The following IFI16 variants were observed in gnomAD, a reference collection of about 807,000 sequenced individuals.
IFI16 encodes interferon gamma inducible protein 16.
Under a neutral mutation model 68.4 loss-of-function variants are expected in IFI16, and 49 were observed. The observed-to-expected ratio is 0.72, with a 90% CI of 0.57 to 0.91. IFI16 has a LOEUF of 0.91. IFI16 is among the 40% of genes least tolerant of loss of function. The pLI, the probability that IFI16 is intolerant of heterozygous loss-of-function variation, is 0.00. For missense variants in IFI16, 878 were observed against 942.9 expected, an observed-to-expected ratio of 0.93 and a Z score of 0.90; for synonymous variants, 307 against 315.0, an observed-to-expected ratio of 0.97 and a Z score of 0.27.
intron 5 of IFI16, among the ~76,000 whole-genome samples, chr1:159,019,862 A>AG (rs1015896308): frequency 3.3e-5 from 5 of 152,178 alleles, no homozygotes; most frequent in Non-Finnish European, 4.4e-5. Flanking sequence ...TGGTTTCAGG[A>AG]GGGGGTACAA....
At chr1:159,003,649 GTAT>G (rs60416021), upstream of IFI16, among the ~76,000 whole-genome samples, 138,108 of 149,286 alleles carry the variant, frequency 0.93, 64,709 homozygotes, top group Non-Finnish European at 1. Flanking sequence ...CCATAATTCT[GTAT>G]TATTATTATT....
chr1:159,032,550 C>A lies in IFI16; in HGVS notation c.1188C>A (p.Asn396Lys). The stretch of plus-strand genomic sequence containing the variant: ...TAAAGAAAAAAACAAACCCGAGAAA[C>A]AATGACCCCAAGAGCATGAAGCTAC... Reference protein sequence around the residue: ...IQIKKKTNPRNNDPKSMKLPQ... With the variant: ...IQIKKKTNPRKNDPKSMKLPQ... The change falls in exon 7 of 12, where the codon AAC becomes AAA. Residue 396 changes from asparagine (N) to lysine (K), a missense_variant. Coordinates refer to ENST00000295809, the MANE Select transcript of IFI16 (RefSeq NM_001376587.1). The A allele has an allele frequency of 6.3e-7, 1 of 1,587,060 alleles. No individual in the cohort carries two copies. Among genetic ancestry groups the A allele is most frequent in the Non-Finnish European group, 8.5e-7 (1 of 1,170,616 alleles).
chr1:159,007,017 G>T (rs1553205335), upstream of IFI16, among the ~76,000 whole-genome samples: 1 of 151,992 alleles, frequency 6.6e-6, no homozygotes, highest in African/African-American at 2.4e-5. Flanking sequence ...CACAATCTAG[G>T]AAATACAAGA....
intron 6 of IFI16, among the ~76,000 whole-genome samples, chr1:159,030,454 G>A (rs564898533): frequency 1.3e-5 from 2 of 152,238 alleles, no homozygotes; most frequent in Admixed American, 6.5e-5. Flanking sequence ...GGGACTCAAG[G>A]GCTGCTGTTA....
Position 159,032,506 on chromosome 1 carries a change from G to C in IFI16, c.1162-18G>C. Reference sequence around the variant, plus strand: ...CTCTAATATTGAAAACCATTAAACAGAAAATGAATACTTTCAGATAAAGAA... The same window carrying C: ...CTCTAATATTGAAAACCATTAAACACAAAATGAATACTTTCAGATAAAGAA... On this transcript the variant is annotated intron_variant, in intron 6 of 11. Coordinates refer to ENST00000295809, the MANE Select transcript of IFI16 (RefSeq NM_001376587.1). The C allele has an allele frequency of 6.6e-7, 1 of 1,522,584 alleles. No homozygotes were observed. The highest frequency in any genetic ancestry group is 8.9e-7 in the Non-Finnish European group (1 of 1,127,668). The allele number at this position is 1,522,584 out of a possible 1,614,324, so 94.3% of individuals were successfully genotyped here.
upstream of IFI16, among the ~76,000 whole-genome samples, chr1:159,007,953 G>A (rs1180922572): frequency 2.0e-5 from 3 of 152,304 alleles, no homozygotes; most frequent in East Asian, 3.9e-4. Context: ...AAAAACCAGT[G>A]TGCAATAGGT....
At chr1:159,044,654 C>T (rs1316885747) in intron 7 of IFI16, among the ~76,000 whole-genome samples, 1 of 152,014 alleles carries the variant, frequency 6.6e-6, no homozygotes, top group African/African-American at 2.4e-5. Context: ...AGAGATATTC[C>T]CCAATTTTAC....
Position 159,014,895 on chromosome 1 carries a change from T to C in IFI16, c.215T>C (p.Ile72Thr), listed in dbSNP as rs768266082. 6.2e-7 allele frequency: 1 copy of C among 1,613,246 alleles called. No individual in the cohort carries two copies. Among genetic ancestry groups the C allele is most frequent in the South Asian group, 1.1e-5 (1 of 90,828 alleles). Residue 72 changes from isoleucine (I) to threonine (T), a missense_variant, in exon 2 of 12, where the codon ATA becomes ACA. Ile to Thr is a moderately conservative substitution (Grantham distance 89). Around this residue, in one of 4 missense-constraint regions of IFI16, gnomAD observed 65 missense variants for 96.9 expected, o/e 0.67. Coordinates refer to ENST00000295809, the MANE Select transcript of IFI16 (RefSeq NM_001376587.1). ...LGKLIKIFED[I>T]PTLEDLAETL... ...AAACTAATAAAAATTTTCGAAGATA[T>C]ACCAACGCTTGAAGACCTGGCTGAA...
intron 9 of IFI16, among the ~76,000 whole-genome samples, chr1:159,051,249 A>G (rs1571897965): frequency 6.6e-6 from 1 of 151,948 alleles, no homozygotes; most frequent in African/African-American, 2.4e-5. Context: ...GAGGCAGGAC[A>G]GCTGCCTCCA....
chr1:159,051,671 C>G lies in IFI16; in HGVS notation c.1666-8C>G, dbSNP rs751568876. ...ATTGTGCCTATGTTTTGGTCTCTAC[C>G]TTCTAAGTTGAAACCAAGACTGAAG... On this transcript the variant is annotated splice_region_variant and splice_polypyrimidine_tract_variant and intron_variant, in intron 9 of 11. Transcript: ENST00000295809. 3.7e-5 allele frequency: 59 copies of G among 1,603,128 alleles called. No homozygotes were observed. The highest frequency in any genetic ancestry group is 1.7e-4 in the Middle Eastern group (1 of 6,018).
chr1:159,011,928 A>G (rs930016208), intron 1 of IFI16, among the ~76,000 whole-genome samples: 3 of 152,082 alleles, frequency 2.0e-5, no homozygotes, highest in Admixed American at 6.5e-5. Context: ...TCATCTCACT[A>G]TCTAAGACAA....
In IFI16 at chr1:159,045,473, T is replaced by C. The variant is rs1309669884; in HGVS notation, c.1497+9T>C. 1 of 1,604,134 alleles carries C rather than the reference T, an allele frequency of 6.2e-7. No individual in the cohort carries two copies. The highest frequency in any genetic ancestry group is 2.2e-5 in the East Asian group (1 of 44,860). Reference sequence around the variant, plus strand: ...GCAGTTTCTTAACCACGGTACAAGTTCCCTCTTCCCAATACATTCCCCTCA... The same window carrying C: ...GCAGTTTCTTAACCACGGTACAAGTCCCCTCTTCCCAATACATTCCCCTCA... On this transcript the variant is annotated intron_variant, in intron 8 of 11. Coordinates refer to ENST00000295809, the MANE Select transcript of IFI16 (RefSeq NM_001376587.1).
At chr1:159,039,254 C>A (rs1296489571) in intron 7 of IFI16, among the ~76,000 whole-genome samples, 5 of 152,038 alleles carry the variant, frequency 3.3e-5, no homozygotes, top group African/African-American at 1.2e-4. Flanking sequence ...ACTCTTCTTC[C>A]ATAGAAAATA....
At chr1:159,034,939 G>T (rs1654231959) in intron 7 of IFI16, among the ~76,000 whole-genome samples, 1 of 152,184 alleles carries the variant, frequency 6.6e-6, no homozygotes, top group South Asian at 2.1e-4. Flanking sequence ...GCTCAGCAGT[G>T]ATATGACCCT....
intron 7 of IFI16, among the ~76,000 whole-genome samples, chr1:159,039,321 A>G (rs1430565492): frequency 6.6e-6 from 1 of 152,134 alleles, no homozygotes; most frequent in Non-Finnish European, 1.5e-5. Context: ...CCAAACCTAT[A>G]TAGATACAGA....
chr1:159,034,041 G>A (rs773062934), intron 7 of IFI16, among the ~76,000 whole-genome samples: 16 of 152,126 alleles, frequency 1.1e-4, no homozygotes, highest in Non-Finnish European at 2.1e-4. Context: ...CACTTACTTG[G>A]TAATGCCAAG....
chr1:159,022,552 TAA>T (rs1461942232), intron 6 of IFI16, among the ~76,000 whole-genome samples: 1 of 152,128 alleles, frequency 6.6e-6, no homozygotes, highest in Non-Finnish European at 1.5e-5. Flanking sequence ...TAGAACTTTT[TAA>T]AAGAGGCAAA....
intron 1 of IFI16, among the ~76,000 whole-genome samples, chr1:159,000,634 A>G (rs74230313): frequency 0.044 from 6,685 of 152,240 alleles, 375 homozygotes; most frequent in East Asian, 0.26. Flanking sequence ...CATATTTCAC[A>G]TGTGCAATTT....
upstream of IFI16, among the ~76,000 whole-genome samples, chr1:159,009,427 A>C (rs1652406361): frequency 2.0e-5 from 3 of 152,214 alleles, no homozygotes; most frequent in Admixed American, 6.5e-5. Flanking sequence ...CAGGAGATGC[A>C]GTAAAGTATT....
Sources: gnomAD v4.1 joint callset for allele counts (sites outside exome capture counted in the v4.1 genomes callset) on GRCh38, gnomAD v4.1.1 for gene constraint, gnomAD v4.1.1 regional missense constraint, MANE v1.5 for transcripts, NCBI Gene and HGNC (gene_info 2026-07-23, HGNC 2026-07-21) for gene names.